Variants in CCDC180 observed in about 807,000 individuals in gnomAD.
CCDC180 encodes the protein coiled-coil domain-containing protein 180.
CCDC180 carries 154 observed loss-of-function variants against 209.2 expected under a neutral mutation model. The observed-to-expected ratio is 0.74, with a 90% confidence interval of 0.65 to 0.84. The LOEUF (loss-of-function observed/expected upper bound fraction) is 0.84, where lower values mean the gene tolerates loss of function less well. Among genes scored for constraint, CCDC180 ranks in the 40% least tolerant of loss-of-function variants. CCDC180 has a pLI of 0.00. For missense variants in CCDC180, 1,874 were observed against 1,997.3 expected, an observed-to-expected ratio of 0.94 and a Z score of 1.18; for synonymous variants, 778 against 749.1, an observed-to-expected ratio of 1.04 and a Z score of -0.63.
chr9:97,345,256 C>T (rs1357159621), intron 19 of CCDC180, among the ~76,000 whole-genome samples: 1 of 152,134 alleles, frequency 6.6e-6, no homozygotes, highest in Non-Finnish European at 1.5e-5. Flanking sequence ...GTGTCCATAT[C>T]CGTCTTTAGG....
chr9:97,349,182 C>A lies in CCDC180; in HGVS notation c.2746C>A (p.Arg916=). ...GGTGACCGAGACGCTGAAGAAGAAG[C>A]GGCTGATGTTCTGCCAGTTCCAAGA... ...AGVTETLKKK[R]LMFCQFQEEQ... The change falls in exon 21 of 37, where the codon CGG becomes AGG. Residue 916 remains arginine (R), a synonymous_variant. Transcript: ENST00000529487. 2 of 1,536,376 alleles carry A rather than the reference C, an allele frequency of 1.3e-6. No individual in the cohort carries two copies. The highest frequency in any genetic ancestry group is 1.2e-5 in the South Asian group (1 of 84,054).
intron 22 of CCDC180, among the ~76,000 whole-genome samples, chr9:97,352,970 C>T (rs60013132): frequency 1.4e-5 from 2 of 142,288 alleles, no homozygotes; most frequent in East Asian, 2.1e-4. Context: ...TACACACACA[C>T]ATATACATAT....
At chr9:97,316,475 T>C (rs948463370) in intron 8 of CCDC180, among the ~76,000 whole-genome samples, 2 of 152,134 alleles carry the variant, frequency 1.3e-5, no homozygotes, top group African/African-American at 2.4e-5. Flanking sequence ...GTGGAGGCAT[T>C]TGGGGCCAGG....
At chr9:97,359,830 C>A in intron 25 of CCDC180, 152 bp from the exon 26 acceptor site, 1 of 979,094 alleles carries the variant, frequency 1.0e-6, no homozygotes, top group Non-Finnish European at 1.5e-6. Context: ...GCCTTCCCCA[C>A]TCCCCAAGGG....
chr9:97,357,276 G>A (rs552694723), intron 24 of CCDC180, among the ~76,000 whole-genome samples: 258 of 152,222 alleles, frequency 1.7e-3, no homozygotes, highest in Non-Finnish European at 3.0e-3. Flanking sequence ...CAATCTGACT[G>A]CATCCTTAGG....
chr9:97,331,392 T>C (rs77425572), intron 18 of CCDC180, among the ~76,000 whole-genome samples: 1,865 of 152,354 alleles, frequency 0.012, 25 homozygotes, highest in South Asian at 0.024. Context: ...TATGCATGCA[T>C]GTGTCTTTAT....
At chr9:97,349,397 C>T (rs1826361685) in intron 21 of CCDC180, 106 bp downstream of exon 21, 2 of 927,068 alleles carry the variant, frequency 2.2e-6, no homozygotes, top group South Asian at 3.4e-5. Context: ...AAGCAGAAGG[C>T]ACCTCCAGAG....
intron 18 of CCDC180, among the ~76,000 whole-genome samples, chr9:97,341,687 G>A (rs1008803283): frequency 6.6e-6 from 1 of 152,214 alleles, no homozygotes; most frequent in Non-Finnish European, 1.5e-5. Flanking sequence ...CAAACACTGT[G>A]CTGGGAGAAC....
chr9:97,325,098 T>C lies in CCDC180; in HGVS notation c.1451T>C (p.Leu484Pro). The change falls in exon 14 of 37, where the codon CTG becomes CCG. Residue 484 changes from leucine to proline, a missense_variant. By Grantham distance (98) the Leu-to-Pro change is moderately conservative (BLOSUM62 -3). Coordinates refer to ENST00000529487, the MANE Select transcript of CCDC180 (RefSeq NM_020893.6). ...LFKYFQEVVQ[L>P]WEAHQSELLV... Reference sequence around the variant, plus strand: ...AAGTATTTCCAGGAGGTGGTACAACTGTGGGAGGCACACCAGAGCGAGCTG... The same window carrying C: ...AAGTATTTCCAGGAGGTGGTACAACCGTGGGAGGCACACCAGAGCGAGCTG... 1 of 1,613,898 alleles carries C rather than the reference T, an allele frequency of 6.2e-7. No individual in the cohort carries two copies. Among genetic ancestry groups the C allele is most frequent in the Non-Finnish European group, 8.5e-7 (1 of 1,179,978 alleles).
rs1328774985 is a variant in CCDC180 at position 97,369,902 on chromosome 9, C to T, written c.4190-20C>T. On this transcript the variant is annotated intron_variant, in intron 31 of 36. Coordinates refer to ENST00000529487, the MANE Select transcript of CCDC180 (RefSeq NM_020893.6). ...TCTAATCTGTTCCCTCCCTTGGCCT[C>T]TTACCCGCACTTCTGGCAGAATTAC... The T allele has an allele frequency of 6.2e-7, 1 of 1,613,880 alleles. No homozygotes were observed. The highest frequency in any genetic ancestry group is 1.7e-5 in the Admixed American group (1 of 60,004).
rs772999715 is a variant in CCDC180, at chr9:97,357,773, CT to C, written c.3363+49del. ...ATGTGAATAATAAAGATATATCATG[CT>C]AAAGTCATAAATGTGAAATAAATTT... On this transcript the variant is annotated intron_variant, in intron 25 of 36. Transcript: ENST00000529487. 1.4e-5 allele frequency: 20 copies of C among 1,391,156 alleles called. No individual in the cohort carries two copies. The Admixed American group carries it at 2.5e-4, about 17-fold the overall frequency. 86.2% of individuals were successfully genotyped at this position (1,391,156 alleles called of 1,614,324 possible). A position where few individuals can be genotyped will look rare whatever the true frequency, so the allele number is the denominator to read the frequency against.
At chr9:97,342,108 A>C (rs1226121142) in intron 18 of CCDC180, among the ~76,000 whole-genome samples, 1 of 152,184 alleles carries the variant, frequency 6.6e-6, no homozygotes, top group East Asian at 1.9e-4. Flanking sequence ...GGAAAGGGAA[A>C]TCCCCCGACC....
intron 12 of CCDC180, among the ~76,000 whole-genome samples, chr9:97,323,343 C>A (rs1345509157): frequency 6.6e-6 from 1 of 151,956 alleles, no homozygotes; most frequent in African/African-American, 2.4e-5. Context: ...TGCAATGCGC[C>A]CCCTTCATAG....
chr9:97,369,584 G>A (rs1827020522), intron 31 of CCDC180: 1 of 208,440 alleles, frequency 4.8e-6, no homozygotes. Flanking sequence ...AGCCTCCTGA[G>A]TAGCTGGCAT....
chr9:97,331,279 A>G (rs759412146), intron 18 of CCDC180, among the ~76,000 whole-genome samples: 11 of 152,206 alleles, frequency 7.2e-5, no homozygotes, highest in Non-Finnish European at 2.9e-5. Context: ...ATAGTATCCC[A>G]TGGTTTATAT....
chr9:97,375,659 T>C (rs1014528538), intron 36 of CCDC180, 70 bp downstream of exon 36: 36 of 1,596,156 alleles, frequency 2.3e-5, no homozygotes, highest in Non-Finnish European at 2.8e-5. Flanking sequence ...AAGGGGGAGC[T>C]TCCCATCACC....
At chr9:97,317,372 G>A (rs1833212757) in intron 9 of CCDC180, 144 bp downstream of exon 9, 3 of 717,388 alleles carry the variant, frequency 4.2e-6, no homozygotes, top group Non-Finnish European at 6.5e-6. Context: ...ATAGATAAAG[G>A]TATAAAGAAT....
chr9:97,307,518 A>G (rs1414334816), upstream of CCDC180: 1 of 607,006 alleles, frequency 1.6e-6, no homozygotes, highest in East Asian at 2.8e-5. Context: ...TTCTCAGCAC[A>G]CAGTAGGCGC....
At chr9:97,370,950 C>A in intron 33 of CCDC180, 172 bp downstream of exon 33, 9 of 114,520 alleles carry the variant, frequency 7.9e-5, no homozygotes, top group East Asian at 2.6e-4. Flanking sequence ...AACTTGTATA[C>A]TTTTTTTTTT....
Sources: gnomAD v4.1 joint callset for allele counts (sites outside exome capture counted in the v4.1 genomes callset) on GRCh38, gnomAD v4.1.1 for gene constraint, MANE v1.5 for transcripts, NCBI Gene and HGNC (gene_info 2026-07-23, HGNC 2026-07-21) for gene names.